LEPR: variants seen among roughly 807,000 people sequenced by gnomAD.
LEPR encodes leptin receptor.
LEPR carries 56 observed loss-of-function variants against 114.7 expected under a neutral mutation model. The observed-to-expected ratio is 0.49, with a 90% CI of 0.39 to 0.61. LEPR has a LOEUF of 0.61. Among genes scored for constraint, LEPR ranks in the 20% least tolerant of loss-of-function variants. LEPR has a pLI of 0.00. For synonymous variants in LEPR, 443 were observed against 461.4 expected (o/e 0.96, Z 0.51); for missense variants, 1,202 against 1,352.9 (o/e 0.89, Z 1.75).
At chr1:65,567,372 T>G (rs993491163) in intron 3 of LEPR, among the ~76,000 whole-genome samples, 1 of 152,242 alleles carries the variant, frequency 6.6e-6, no homozygotes, top group Non-Finnish European at 1.5e-5. Context: ...TAATATTACA[T>G]ATTCTTGGTT....
intron 1 of LEPR, among the ~76,000 whole-genome samples, chr1:65,423,835 A>G (rs1047510367): frequency 1.8e-4 from 28 of 152,296 alleles, no homozygotes; most frequent in African/African-American, 6.0e-4. Flanking sequence ...GAAAATTTGG[A>G]TAAGATAGTC....
At position 65,619,912 on chromosome 1, in the gene LEPR, G is replaced by T. The variant is rs748883994; in HGVS notation, c.2396-16G>T. 2 of 1,589,984 alleles carry T rather than the reference G, an allele frequency of 1.3e-6. No individual in the cohort carries two copies. The highest frequency in any genetic ancestry group is 1.1e-5 in the South Asian group (1 of 90,474). On this transcript the variant is annotated splice_polypyrimidine_tract_variant and intron_variant, in intron 16 of 19. Coordinates refer to ENST00000349533, the MANE Select transcript of LEPR (RefSeq NM_002303.6). The stretch of plus-strand genomic sequence containing the variant: ...AATTTTGTATAAATGAGCCTTTTAC[G>T]TATTTTTCTCCTCAGATCATTTTAT...
rs139603969 is a variant in LEPR, at chr1:65,520,749, A to C, written c.-20-44797A>C. On this transcript the variant is annotated intron_variant, in intron 2 of 19. Coordinates refer to ENST00000349533, the MANE Select transcript of LEPR (RefSeq NM_002303.6). ...TATTGACAGCAAGCCAGTGATAAGC[A>C]TTGTTTCTATAGATTATAGATTAAC... Among the ~76,000 whole-genome samples, 125 of 152,374 alleles carry C rather than the reference A, an allele frequency of 8.2e-4. 4 individuals carry two copies. In the East Asian group the frequency reaches 0.024, roughly 29 times the overall value.
At chr1:65,608,300 G>T (rs1016776744) in intron 11 of LEPR, among the ~76,000 whole-genome samples, 1 of 150,574 alleles carries the variant, frequency 6.6e-6, no homozygotes, top group South Asian at 2.1e-4. Context: ...GCGCAATCTC[G>T]GCTCACTGCA....
chr1:65,432,651 A>G (rs778480185), intron 2 of LEPR: 1 of 984,876 alleles, frequency 1.0e-6, no homozygotes, highest in Non-Finnish European at 1.2e-6. Context: ...AGTTCCTCAA[A>G]TTTATGAAAA....
intron 2 of LEPR, among the ~76,000 whole-genome samples, chr1:65,428,292 A>G (rs980684351): frequency 6.6e-6 from 1 of 152,198 alleles, no homozygotes; most frequent in African/African-American, 2.4e-5. Context: ...ATAGAGTCAG[A>G]TTGTTTTTCA....
At chr1:65,517,560 C>T (rs922777608) in intron 2 of LEPR, among the ~76,000 whole-genome samples, 1 of 152,228 alleles carries the variant, frequency 6.6e-6, no homozygotes, top group South Asian at 2.1e-4. Flanking sequence ...GGTGGATCAA[C>T]TCTATTGCGG....
intron 2 of LEPR, among the ~76,000 whole-genome samples, chr1:65,449,085 G>A (rs1646747676): frequency 6.6e-6 from 1 of 152,110 alleles, no homozygotes; most frequent in Admixed American, 6.5e-5. Context: ...GTAGAGCTAG[G>A]GTTTCACTAT....
chr1:65,592,494 T>A (rs1328377447), intron 5 of LEPR, among the ~76,000 whole-genome samples, 163 bp from the exon 6 acceptor site: 1 of 148,724 alleles, frequency 6.7e-6, no homozygotes, highest in Non-Finnish European at 1.5e-5. Flanking sequence ...CCTGCTGTAA[T>A]CTTTATCTTT....
At chr1:65,429,556 A>G (rs1042276539) in intron 2 of LEPR, among the ~76,000 whole-genome samples, 5 of 152,214 alleles carry the variant, frequency 3.3e-5, no homozygotes, top group African/African-American at 1.2e-4. Flanking sequence ...GAAGGCAGAA[A>G]TGACCAAGTT....
intron 2 of LEPR, chr1:65,435,291 T>G (rs1646543030): frequency 1.0e-6 from 1 of 985,068 alleles, no homozygotes; most frequent in African/African-American, 1.7e-5. Flanking sequence ...GCTGAAATAG[T>G]TCATTATGTT....
At chr1:65,501,583 T>C (rs1204842408) in intron 2 of LEPR, among the ~76,000 whole-genome samples, 5 of 151,924 alleles carry the variant, frequency 3.3e-5, no homozygotes, top group Non-Finnish European at 7.4e-5. Context: ...AAGGTCACAT[T>C]CACAGGTACT....
chr1:65,605,852 A>T (rs1223861212), intron 11 of LEPR, among the ~76,000 whole-genome samples: 1 of 152,210 alleles, frequency 6.6e-6, no homozygotes, highest in African/African-American at 2.4e-5. Flanking sequence ...TGCAACAGGA[A>T]TGCAAAAATA....
chr1:65,544,986 G>C, intron 2 of LEPR, among the ~76,000 whole-genome samples: 1 of 148,304 alleles, frequency 6.7e-6, no homozygotes, highest in African/African-American at 2.5e-5. Flanking sequence ...TCCCCAGAGT[G>C]TGATGTTCCC....
chr1:65,515,886 A>T (rs1649261147), intron 2 of LEPR, among the ~76,000 whole-genome samples: 1 of 152,214 alleles, frequency 6.6e-6, no homozygotes, highest in African/African-American at 2.4e-5. Context: ...GCTAGCACTT[A>T]AGATAGTCAA....
chr1:65,482,402 G>C (rs1394412419), intron 2 of LEPR, among the ~76,000 whole-genome samples: 1 of 152,122 alleles, frequency 6.6e-6, no homozygotes, highest in East Asian at 1.9e-4. Context: ...TTATATAGAT[G>C]ACTTGAGGGT....
intron 2 of LEPR, among the ~76,000 whole-genome samples, chr1:65,514,474 AC>A (rs1244805121): frequency 6.6e-6 from 1 of 152,202 alleles, no homozygotes; most frequent in Non-Finnish European, 1.5e-5. Context: ...ATTTTAGTAA[AC>A]CTATGATTGT....
intron 3 of LEPR, among the ~76,000 whole-genome samples, chr1:65,567,158 T>A (rs1313227356): frequency 6.6e-6 from 1 of 152,168 alleles, no homozygotes; most frequent in Non-Finnish European, 1.5e-5. Flanking sequence ...TAGGATTCAT[T>A]TGGAGGGAAA....
chr1:65,571,294 A>G (rs1297851584), intron 4 of LEPR, among the ~76,000 whole-genome samples: 4 of 152,238 alleles, frequency 2.6e-5, no homozygotes, highest in African/African-American at 4.8e-5. Flanking sequence ...ATGTTTACCT[A>G]TTTAACTAAC....
Sources: allele counts gnomAD v4.1 joint callset (sites outside exome capture counted in the v4.1 genomes callset), GRCh38; gene constraint gnomAD v4.1.1; transcripts MANE v1.5; gene names NCBI Gene and HGNC (gene_info 2026-07-23, HGNC 2026-07-21).